The following TANGO6 variants were observed in gnomAD, a reference collection of about 807,000 sequenced individuals.
TANGO6 encodes transport and Golgi organization protein 6 homolog.
In TANGO6, 90 loss-of-function variants were observed where a neutral mutation model predicts 114.2. The observed-to-expected ratio is 0.79, with a 90% CI of 0.66 to 0.94. TANGO6 has a LOEUF of 0.94. Among genes scored for constraint, TANGO6 ranks in the 40% least tolerant of loss-of-function variants. The pLI, the probability that TANGO6 is intolerant of heterozygous loss-of-function variation, is 0.00. For synonymous variants in TANGO6, 477 were observed against 509.8 expected, an observed-to-expected ratio of 0.94 and a Z score of 0.87; for missense variants, 1,274 against 1,315.3, an observed-to-expected ratio of 0.97 and a Z score of 0.49.
At chr16:68,886,352 G>A (rs369035573) in intron 7 of TANGO6, among the ~76,000 whole-genome samples, 8 of 151,164 alleles carry the variant, frequency 5.3e-5, no homozygotes, top group Non-Finnish European at 8.8e-5. Context: ...CATGTAGCTC[G>A]GATTACAGGC....
At chr16:69,074,332 C>T (rs1960340897) in intron 17 of TANGO6, among the ~76,000 whole-genome samples, 1 of 151,784 alleles carries the variant, frequency 6.6e-6, no homozygotes, top group African/African-American at 2.4e-5. Flanking sequence ...CCAAAAGAGG[C>T]TTCTTGGATC....
chr16:68,983,471 G>A (rs576561364), intron 15 of TANGO6, among the ~76,000 whole-genome samples: 2 of 152,224 alleles, frequency 1.3e-5, no homozygotes, highest in South Asian at 2.1e-4. Flanking sequence ...TGTGACTGTA[G>A]CTGGAAACAG....
intron 6 of TANGO6, among the ~76,000 whole-genome samples, chr16:68,878,637 C>A (rs1962408591): frequency 6.6e-6 from 1 of 152,132 alleles, no homozygotes; most frequent in South Asian, 2.1e-4. Context: ...CAGTCTCCTA[C>A]ATAACCACAA....
chr16:68,857,551 C>T (rs1962017318), intron 1 of TANGO6, among the ~76,000 whole-genome samples: 1 of 152,072 alleles, frequency 6.6e-6, no homozygotes, highest in African/African-American at 2.4e-5. Context: ...TACCCAGGAG[C>T]ACAATTGCTG....
chr16:68,875,123 G>C, intron 4 of TANGO6, 31 bp from the exon 5 acceptor site: 1 of 1,594,642 alleles, frequency 6.3e-7, no homozygotes, highest in East Asian at 2.2e-5. Flanking sequence ...GAATTGCTGT[G>C]AGCTGCTAAC....
intron 16 of TANGO6, among the ~76,000 whole-genome samples, chr16:69,039,888 C>A (rs1959747580): frequency 6.6e-6 from 1 of 152,180 alleles, no homozygotes; most frequent in South Asian, 2.1e-4. Context: ...CTGAAGTCTC[C>A]TTAGCTAAAT....
intron 3 of TANGO6, among the ~76,000 whole-genome samples, chr16:68,864,362 T>C (rs952945869): frequency 6.6e-6 from 1 of 151,770 alleles, no homozygotes; most frequent in Non-Finnish European, 1.5e-5. Flanking sequence ...TCACTTGAGG[T>C]CAGGAGTTTG....
chr16:68,873,537 C>T (rs890989878), intron 4 of TANGO6, among the ~76,000 whole-genome samples: 2 of 148,568 alleles, frequency 1.3e-5, no homozygotes, highest in Admixed American at 1.4e-4. Context: ...TGGTCTCAAA[C>T]GCCTGACCTC....
At chr16:68,991,129 G>C (rs771656297) in intron 15 of TANGO6, among the ~76,000 whole-genome samples, 1 of 152,214 alleles carries the variant, frequency 6.6e-6, no homozygotes, top group South Asian at 2.1e-4. Context: ...TGTTGAGGCT[G>C]TGTTGGGTAC....
intron 15 of TANGO6, among the ~76,000 whole-genome samples, chr16:69,015,702 C>T (rs550670225): frequency 1.3e-5 from 2 of 151,966 alleles, no homozygotes; most frequent in South Asian, 2.1e-4. Flanking sequence ...AGGATGGTCT[C>T]GATCTCCTGA....
chr16:68,907,518 G>C lies in TANGO6; in HGVS notation c.1743G>C (p.Leu581Phe). The C allele has an allele frequency of 6.2e-7, 1 of 1,613,260 alleles. No homozygotes were observed. The highest frequency in any genetic ancestry group is 1.1e-5 in the South Asian group (1 of 90,960). ...GCCGGGTGGAGCATCTCGGGGACTT[G>C]CTGTCCCACTGCCAGGAATGCGGTT... is the stretch of plus-strand genomic sequence containing the variant. ...EQGRVEHLGD[L>F]LSHCQECGLA... The change falls in exon 10 of 18, where the codon TTG becomes TTC. Residue 581 changes from leucine (L) to phenylalanine (F), a missense_variant. Coordinates refer to ENST00000261778, the MANE Select transcript of TANGO6 (RefSeq NM_024562.2).
At chr16:68,908,557 G>A (rs1962882659) in intron 10 of TANGO6, among the ~76,000 whole-genome samples, 1 of 152,124 alleles carries the variant, frequency 6.6e-6, no homozygotes, top group Non-Finnish European at 1.5e-5. Flanking sequence ...GCTTGTGCCT[G>A]TAGTCCCAGC....
At position 68,849,759 on chromosome 16, in the gene TANGO6, A is replaced by G. The variant is rs17715971; in HGVS notation, c.94+6048A>G. ...GTGGATTTTTAGAAAATGAAAATAAATCTTGAGTTCTTACCAGTATTTCCA... is the reference window on the plus strand; with the variant it reads ...GTGGATTTTTAGAAAATGAAAATAAGTCTTGAGTTCTTACCAGTATTTCCA... On this transcript the variant is annotated intron_variant, in intron 1 of 17. Transcript: ENST00000261778. Among the ~76,000 whole-genome samples, 1,301 of 152,260 alleles carry G rather than the reference A, an allele frequency of 8.5e-3. 51 individuals carry two copies. In the East Asian group the frequency reaches 0.12, roughly 14 times the overall value.
At chr16:68,856,227 A>G (rs529222504) in intron 1 of TANGO6, among the ~76,000 whole-genome samples, 40 of 152,352 alleles carry the variant, frequency 2.6e-4, no homozygotes, top group African/African-American at 8.4e-4. Flanking sequence ...TATGATGGTA[A>G]CTGTAGGTTT....
At chr16:68,964,821 C>T (rs925305159) in intron 14 of TANGO6, among the ~76,000 whole-genome samples, 5 of 152,090 alleles carry the variant, frequency 3.3e-5, no homozygotes, top group Non-Finnish European at 5.9e-5. Flanking sequence ...TCACCCACCT[C>T]AGCTTCTCAA....
At chr16:69,062,787 TAAAAAAAAAAAA>T (rs35731381) in intron 17 of TANGO6, among the ~76,000 whole-genome samples, 1 of 113,734 alleles carries the variant, frequency 8.8e-6, no homozygotes. Context: ...AAAAGAAATT[TAAAAAAAAAAAA>T]AAAAAAAAAG....
At chr16:68,936,816 A>AT in intron 14 of TANGO6, among the ~76,000 whole-genome samples, 1 of 152,156 alleles carries the variant, frequency 6.6e-6, no homozygotes, top group South Asian at 2.1e-4. Flanking sequence ...AAAATAAAAA[A>AT]AAAAAACCAC....
intron 2 of TANGO6, among the ~76,000 whole-genome samples, chr16:68,861,199 C>T (rs1962087279): frequency 6.6e-6 from 1 of 152,110 alleles, no homozygotes; most frequent in South Asian, 2.1e-4. Context: ...AGCACTACCC[C>T]CGCCATGAGA....
chr16:69,040,916 G>A (rs369593636), intron 17 of TANGO6, among the ~76,000 whole-genome samples: 2 of 151,850 alleles, frequency 1.3e-5, no homozygotes, highest in South Asian at 2.1e-4. Flanking sequence ...TCTCCCCAGC[G>A]TATGGCCAAT....
Sources: allele counts gnomAD v4.1 joint callset (sites outside exome capture counted in the v4.1 genomes callset), GRCh38; gene constraint gnomAD v4.1.1; transcripts MANE v1.5; gene names NCBI Gene and HGNC (gene_info 2026-07-23, HGNC 2026-07-21).